CFC1: variants seen among roughly 807,000 people sequenced by gnomAD.
CFC1 encodes cryptic protein.
For missense variants in CFC1, 14 were observed against 120.0 expected, an observed-to-expected ratio of 0.12 and a Z score of 4.13; for synonymous variants, 8 against 50.7, an observed-to-expected ratio of 0.16 and a Z score of 3.58.
chr2:130,594,156 A>C (rs1221184212), intron 5 of CFC1, among the ~76,000 whole-genome samples: 2 of 151,752 alleles, frequency 1.3e-5, no homozygotes, highest in East Asian at 3.9e-4. Flanking sequence ...ACCACTCTAC[A>C]CCTGTCCACA....
chr2:130,595,850 ACTTCATTGGC>A (rs1684951136), intron 5 of CFC1, among the ~76,000 whole-genome samples: 2 of 140,600 alleles, frequency 1.4e-5, no homozygotes, highest in South Asian at 4.5e-4. Context: ...AGGTGTACCT[ACTTCATTGGC>A]TTTCATAAGA....
chr2:130,597,046 AGAGGAGAG>A (rs1433435600), intron 5 of CFC1, among the ~76,000 whole-genome samples: 4 of 143,858 alleles, frequency 2.8e-5, no homozygotes, highest in Non-Finnish European at 4.5e-5. Context: ...TGATCACCAA[AGAGGAGAG>A]GAGAGAAGGC....
intron 5 of CFC1, 120 bp from the exon 6 acceptor site, chr2:130,593,196 AGGCTCTGTCCC>A (rs1289588052): frequency 5.1e-5 from 9 of 175,386 alleles, no homozygotes; most frequent in African/African-American, 2.2e-4. Flanking sequence ...CGCCCTCACT[AGGCTCTGTCCC>A]TGGGACGCGC....
At chr2:130,594,335 G>A (rs2105171506) in intron 5 of CFC1, among the ~76,000 whole-genome samples, 1 of 146,746 alleles carries the variant, frequency 6.8e-6, no homozygotes, top group Admixed American at 6.6e-5. Flanking sequence ...CTGGTGCTAA[G>A]ACAGGCGCTC....
At chr2:130,593,351 G>A (rs1412025718) in intron 5 of CFC1, among the ~76,000 whole-genome samples, 5 of 152,298 alleles carry the variant, frequency 3.3e-5, no homozygotes, top group East Asian at 1.9e-4. Flanking sequence ...CAGCCCTTCC[G>A]TCTTTTTCAT....
At chr2:130,595,808 T>C (rs1573958876) in intron 5 of CFC1, among the ~76,000 whole-genome samples, 1 of 148,936 alleles carries the variant, frequency 6.7e-6, no homozygotes, top group African/African-American at 2.5e-5. Flanking sequence ...TAGGAGTTGA[T>C]CTCTCTGTGT....
At chr2:130,594,341 C>G (rs1250814999) in intron 5 of CFC1, among the ~76,000 whole-genome samples, 1 of 146,344 alleles carries the variant, frequency 6.8e-6, no homozygotes, top group East Asian at 1.9e-4. Context: ...CTAAGACAGG[C>G]GCTCACAGCA....
chr2:130,596,759 CT>C (rs1684971529), intron 5 of CFC1, among the ~76,000 whole-genome samples: 1 of 146,218 alleles, frequency 6.8e-6, no homozygotes, highest in Non-Finnish European at 1.5e-5. Flanking sequence ...CTTTGGGCCA[CT>C]GGTGCTGCCC....
In CFC1 at chr2:130,593,027, G is replaced by GC. The variant is rs1439611837; in HGVS notation, c.521dup (p.Ala175ArgfsTer61). The GC allele has an allele frequency of 1.3e-5, 7 of 548,968 alleles. No individual in the cohort carries two copies. Among genetic ancestry groups the GC allele is most frequent in the African/African-American group, 2.6e-5 (1 of 38,230 alleles). 34.0% of individuals were successfully genotyped at this position (548,968 alleles called of 1,614,324 possible). ...GCAGCAAGAGTAGCAGGCTGGGCGC[G>GC]CCCCCGGCGCTCGGCCCGTGAGCGT... On this transcript the variant is annotated frameshift_variant, in exon 6 of 6. Transcript: ENST00000259216. LOFTEE classifies it low-confidence loss of function (END_TRUNC).
intron 5 of CFC1, among the ~76,000 whole-genome samples, chr2:130,595,668 G>T (rs1362725725): frequency 8.7e-4 from 130 of 149,358 alleles, no homozygotes; most frequent in Non-Finnish European, 9.2e-4. Context: ...AACCCTGGAG[G>T]TGGAGCTTGC....
intron 5 of CFC1, among the ~76,000 whole-genome samples, chr2:130,594,328 G>A (rs1392033773): frequency 6.8e-6 from 1 of 146,808 alleles, no homozygotes; most frequent in East Asian, 1.9e-4. Context: ...AGAGAAGCTG[G>A]TGCTAAGACA....
chr2:130,598,384 A>G (rs1462153325), intron 3 of CFC1, among the ~76,000 whole-genome samples: 1 of 149,898 alleles, frequency 6.7e-6, no homozygotes, highest in African/African-American at 2.6e-5. Context: ...CATTTAAATC[A>G]CAGTTCTCTA....
At chr2:130,598,453 A>C (rs1277271887) in intron 3 of CFC1, among the ~76,000 whole-genome samples, 189 bp downstream of exon 3, 1 of 150,794 alleles carries the variant, frequency 6.6e-6, no homozygotes, top group South Asian at 2.1e-4. Context: ...TGAAAGAGTA[A>C]AGCTTTTTAA....
At chr2:130,594,092 A>G (rs1174932396) in intron 5 of CFC1, among the ~76,000 whole-genome samples, 1 of 151,446 alleles carries the variant, frequency 6.6e-6, no homozygotes, top group Non-Finnish European at 1.5e-5. Context: ...ACCTGGCATG[A>G]GCATGAAACT....
At chr2:130,593,837 C>T (rs1175042113) in intron 5 of CFC1, among the ~76,000 whole-genome samples, 3 of 131,308 alleles carry the variant, frequency 2.3e-5, no homozygotes, top group African/African-American at 6.4e-5. Context: ...TTGGCTAATG[C>T]CCTGGGTGGT....
At chr2:130,594,305 C>T (rs1199363438) in intron 5 of CFC1, among the ~76,000 whole-genome samples, 2 of 147,760 alleles carry the variant, frequency 1.4e-5, no homozygotes, top group Non-Finnish European at 2.9e-5. Flanking sequence ...CGTCTAGGCT[C>T]AGACGAGGCT....
intron 5 of CFC1, among the ~76,000 whole-genome samples, chr2:130,594,252 G>A: frequency 6.7e-6 from 1 of 148,378 alleles, no homozygotes; most frequent in Non-Finnish European, 1.5e-5. Context: ...TTGGGAGAGA[G>A]GATTGTTCCA....
rs201586508 is a variant in CFC1 at position 130,599,270 on chromosome 2, A to G, written c.18T>C (p.His6=). The part of the protein sequence containing the change: MTWRH[H]VRLLFTVSLA... ...CTCATGACCTCTGTCCTTACCTGACATGGTGCCTCCAGGTCATTTTTGGTT... is the reference window on the plus strand; with the variant it reads ...CTCATGACCTCTGTCCTTACCTGACGTGGTGCCTCCAGGTCATTTTTGGTT... The change falls in exon 1 of 6, where the codon CAT becomes CAC. Residue 6 remains histidine (H), a synonymous_variant. Transcript: ENST00000259216. 2 of 13,072 alleles carry G rather than the reference A, an allele frequency of 1.5e-4. No individual in the cohort carries two copies. The highest frequency in any genetic ancestry group is 6.0e-3 in the East Asian group (2 of 334). The allele number at this position is 13,072 out of a possible 1,614,324, so 0.8% of individuals were successfully genotyped here.
intron 5 of CFC1, among the ~76,000 whole-genome samples, chr2:130,594,167 G>C (rs1361525991): frequency 5.3e-5 from 8 of 151,702 alleles, no homozygotes; most frequent in Non-Finnish European, 2.9e-5. Flanking sequence ...CCTGTCCACA[G>C]GTAGGCTGTG....
Sources: allele counts gnomAD v4.1 joint callset (sites outside exome capture counted in the v4.1 genomes callset), GRCh38; gene constraint gnomAD v4.1.1; transcripts MANE v1.5; gene names NCBI Gene and HGNC (gene_info 2026-07-23, HGNC 2026-07-21).